Variants in WRAP73 observed in about 807,000 individuals in gnomAD.
The protein encoded by WRAP73 is WD repeat-containing protein WRAP73.
Under a neutral mutation model 59.6 loss-of-function variants are expected in WRAP73, and 55 were observed. The ratio of observed to expected loss-of-function variants is 0.92; its 90% CI spans 0.74 to 1.15. The LOEUF (loss-of-function observed/expected upper bound fraction) is 1.15. WRAP73 is among the 50% of genes most tolerant of loss of function. The probability of loss-of-function intolerance (pLI) is 0.00; values close to 1 mark genes in which losing one functional copy is unlikely to be tolerated. For synonymous variants in WRAP73, 265 were observed against 258.2 expected (o/e 1.03, Z -0.25); for missense variants, 592 against 608.1 (o/e 0.97, Z 0.28).
rs145591410 is a variant in WRAP73 at position 3,636,006 on chromosome 1, G to C, written c.541C>G (p.Leu181Val). Residue 181 changes from leucine (L) to valine (V), a missense_variant, in exon 6 of 12, where the codon CTC (leucine) becomes GTC (valine). Leu to Val is a conservative substitution (Grantham distance 32). Coordinates refer to ENST00000270708, the MANE Select transcript of WRAP73 (RefSeq NM_017818.4). ...LRHFDTDTQD[L>V]TGIEWAPNGC... ...TTTGGGGCCCACTCAATCCCTGTGAGATCCTGGGTGTCCGTATCAAAATGC... is the reference window on the plus strand; with the variant it reads ...TTTGGGGCCCACTCAATCCCTGTGACATCCTGGGTGTCCGTATCAAAATGC... The C allele has an allele frequency of 1.2e-6, 2 of 1,614,000 alleles. No homozygotes were observed. Among genetic ancestry groups the C allele is most frequent in the East Asian group, 4.5e-5 (2 of 44,884 alleles).
chr1:3,637,346 G>A (rs968609177), intron 4 of WRAP73, among the ~76,000 whole-genome samples: 11 of 152,250 alleles, frequency 7.2e-5, no homozygotes, highest in Non-Finnish European at 1.5e-4. Flanking sequence ...CACAGGAGCC[G>A]GTTTGCAAGG....
At position 3,633,206 on chromosome 1, in the gene WRAP73, C is replaced by T. The variant is rs1318523446; in HGVS notation, c.922+192G>A. 6 of 603,716 alleles carry T rather than the reference C, an allele frequency of 9.9e-6. No homozygotes were observed. In the East Asian group the frequency reaches 1.2e-4, roughly 12 times the overall value. The allele number at this position is 603,716 out of a possible 1,614,324, so 37.4% of individuals were successfully genotyped here. ...CTCATATTCAGTAACAGAAGCCGCA[C>T]CTTCACGGCCCACTGCGCAATTCAG... On this transcript the variant is annotated intron_variant, in intron 9 of 11. Transcript: ENST00000270708.
intron 1 of WRAP73, among the ~76,000 whole-genome samples, chr1:3,648,113 G>A (rs758373707): frequency 6.6e-6 from 1 of 152,176 alleles, no homozygotes; most frequent in African/African-American, 2.4e-5. Context: ...AAGATGCTTC[G>A]CAAATGCTCA....
At chr1:3,642,886 C>T (rs1274418184) in intron 3 of WRAP73, among the ~76,000 whole-genome samples, 1 of 152,144 alleles carries the variant, frequency 6.6e-6, no homozygotes, top group Non-Finnish European at 1.5e-5. Context: ...CACTCAACCT[C>T]ACCGAGAATT....
intron 9 of WRAP73, chr1:3,632,877 G>T (rs192626853): frequency 4.9e-6 from 1 of 206,060 alleles, no homozygotes; most frequent in Non-Finnish European, 9.9e-6. Context: ...GGGTGGGCCC[G>T]TCGGCACTTG....
At position 3,634,872 on chromosome 1, in the gene WRAP73, A is replaced by C. The variant is rs1394597957; in HGVS notation, c.816+125T>G. 4.4e-6 allele frequency: 5 copies of C among 1,146,118 alleles called. No individual in the cohort carries two copies. The African/African-American group carries it at 7.6e-5, about 17-fold the overall frequency. The allele number at this position is 1,146,118 out of a possible 1,614,324, so 71.0% of individuals were successfully genotyped here. A position where few individuals can be genotyped will look rare whatever the true frequency, so the allele number is the denominator to read the frequency against. On this transcript the variant is annotated intron_variant, in intron 8 of 11. Coordinates refer to ENST00000270708, the MANE Select transcript of WRAP73 (RefSeq NM_017818.4). ...AGACGCGTGAAATGTCACAGTAGCA[A>C]GTTTACGGTGATGGAAGTGCCCGGT...
Position 3,643,640 on chromosome 1 carries a change from C to A in WRAP73, c.339+3026G>T, listed in dbSNP as rs1412431699. 1.2e-4 allele frequency among the ~76,000 whole-genome samples: 15 copies of A among 123,270 alleles called. 2 individuals carry two copies. Among genetic ancestry groups the A allele is most frequent in the African/African-American group, 4.2e-4 (14 of 33,124 alleles). 80.9% of individuals were successfully genotyped at this position (123,270 alleles called of 152,430 possible). A position where few individuals can be genotyped will look rare whatever the true frequency, so the allele number is the denominator to read the frequency against. ...GCTGAGCCCCGGACATGGGGTCGCG[C>A]CTTCGGAAGGGGACCCAGCGGCCCC... is the stretch of plus-strand genomic sequence containing the variant. On this transcript the variant is annotated intron_variant, in intron 3 of 11. Transcript: ENST00000270708.
rs1365595268 is a variant in WRAP73 at position 3,647,495 on chromosome 1, G to A, written c.135C>T (p.Tyr45=). The A allele has an allele frequency of 1.2e-6, 2 of 1,613,984 alleles. No homozygotes were observed. Among genetic ancestry groups the A allele is most frequent in the South Asian group, 2.2e-5 (2 of 91,082 alleles). ...TGTGCTGGATCTGGTCTAGGCACGT[G>A]TACAGCTGAAGGATCTGAAGGGTGT... ...DVNTLQILQL[Y]TCLDQIQHIE... is the part of the protein sequence containing the mutation. The change falls in exon 2 of 12, where the codon TAC becomes TAT. Residue 45 remains tyrosine (Y), a synonymous_variant. Transcript: ENST00000270708.
chr1:3,639,112 A>G lies in WRAP73; in HGVS notation c.340-290T>C, dbSNP rs1644614772. ...TCATTAGCTTTTTCAAAGTGACCAT[A>G]GGTTGCATGTTATAATAACCCTGAG... is the stretch of plus-strand genomic sequence containing the variant. On this transcript the variant is annotated intron_variant, in intron 3 of 11. Transcript: ENST00000270708. The surrounding 1 kb of genome is among the most constrained non-coding windows in gnomAD (Gnocchi z 4.3). 5.0e-6 allele frequency: 2 copies of G among 396,502 alleles called. No homozygotes were observed. The highest frequency in any genetic ancestry group is 9.1e-6 in the Non-Finnish European group (2 of 219,272). The allele number at this position is 396,502 out of a possible 1,614,324, so 24.6% of individuals were successfully genotyped here. A position where few individuals can be genotyped will look rare whatever the true frequency, so the allele number is the denominator to read the frequency against.
chr1:3,635,288 T>A lies in WRAP73; in HGVS notation c.610A>T (p.Ile204Phe), dbSNP rs1210756162. 3.1e-6 allele frequency: 5 copies of A among 1,613,808 alleles called. No individual in the cohort carries two copies. The highest frequency in any genetic ancestry group is 4.2e-6 in the Non-Finnish European group (5 of 1,180,018). ...AVWDTCLEYK[I>F]LLYSLDGRLL... ...CGGCCATCCAATGAGTACAGCAGAA[T>A]CTTGTACTGCAGATGAGACATTTCA... Residue 204 changes from isoleucine to phenylalanine, a missense_variant, in exon 7 of 12, where the codon ATT becomes TTT. Coordinates refer to ENST00000270708, the MANE Select transcript of WRAP73 (RefSeq NM_017818.4).
At chr1:3,648,820 G>A (rs1357348284) in intron 1 of WRAP73, among the ~76,000 whole-genome samples, 1 of 152,160 alleles carries the variant, frequency 6.6e-6, no homozygotes, top group African/African-American at 2.4e-5. Flanking sequence ...TGAGGAGGGG[G>A]GCACATTGAA....
intron 1 of WRAP73, among the ~76,000 whole-genome samples, chr1:3,648,242 C>A (rs1400352773): frequency 7.2e-5 from 11 of 152,160 alleles, no homozygotes; most frequent in Non-Finnish European, 1.3e-4. Context: ...TCCAAGCAAA[C>A]AATTTCAAGT....
chr1:3,636,075 C>G, intron 5 of WRAP73, 45 bp from the exon 6 acceptor site: 4 of 1,440,984 alleles, frequency 2.8e-6, no homozygotes, highest in Non-Finnish European at 3.9e-6. Context: ...AAAATATTTT[C>G]GTAAATAAAT....
rs1205684735 is a variant in WRAP73 at position 3,646,775 on chromosome 1, G to A, written c.230C>T (p.Ser77Phe). Reference sequence around the variant, plus strand: ...GCAGTGCCATTCGGGCTGCTCTAAAGACCAGACCTGGATTGAGAGAAGAAA... The same window carrying A: ...GCAGTGCCATTCGGGCTGCTCTAAAAACCAGACCTGGATTGAGAGAAGAAA... ...MYKRGLVQVW[S>F]LEQPEWHCKI... The change falls in exon 3 of 12, where the codon TCT (serine) becomes TTT (phenylalanine). Residue 77 changes from serine (S) to phenylalanine (F), a missense_variant. By Grantham distance (155) the Ser-to-Phe change is radical. Transcript: ENST00000270708. This position sits in a 1 kb window ranked among gnomAD's most constrained non-coding sequence, Gnocchi z 5.1. 2 of 1,611,762 alleles carry A rather than the reference G, an allele frequency of 1.2e-6. No individual in the cohort carries two copies. Among genetic ancestry groups the A allele is most frequent in the Non-Finnish European group, 1.7e-6 (2 of 1,179,152 alleles).
chr1:3,650,040 C>A lies in WRAP73; in HGVS notation c.-41G>T. On this transcript the variant is annotated 5_prime_UTR_variant, in exon 1 of 12. Transcript: ENST00000270708. The stretch of plus-strand genomic sequence containing the variant: ...CGGGCGCCACCCTGCGCCCGAAAAC[C>A]CGCGGGACCCCTGGGCGCGCAGCAG... The A allele has an allele frequency of 6.5e-7, 1 of 1,547,600 alleles. No individual in the cohort carries two copies. The highest frequency in any genetic ancestry group is 1.2e-5 in the South Asian group (1 of 84,082).
intron 11 of WRAP73, 153 bp downstream of exon 11, chr1:3,631,313 G>C (rs904650595): frequency 8.5e-6 from 11 of 1,297,482 alleles, no homozygotes; most frequent in Non-Finnish European, 1.2e-5. Context: ...CGGGTCCCCT[G>C]TGTGTCCGTC....
Position 3,640,623 on chromosome 1 carries a change from G to C in WRAP73, c.340-1801C>G, listed in dbSNP as rs74474802. On this transcript the variant is annotated intron_variant, in intron 3 of 11. Transcript: ENST00000270708. ...CCCAGGCTCTGAGCGTCAGCAGGGC[G>C]GGGTGGAGCGCCCGAGGCTCTGAGC... Among the ~76,000 whole-genome samples, 56 of 133,322 alleles carry C rather than the reference G, an allele frequency of 4.2e-4. 1 individual carries two copies. The highest frequency in any genetic ancestry group is 3.9e-3 in the Admixed American group (54 of 13,690). 87.5% of individuals were successfully genotyped at this position (133,322 alleles called of 152,430 possible).
In WRAP73 at chr1:3,631,102, A is replaced by G. The variant is rs146924148; in HGVS notation, c.1256T>C (p.Leu419Pro). The G allele has an allele frequency of 2.9e-5, 46 of 1,613,308 alleles. No homozygotes were observed. Among genetic ancestry groups the G allele is most frequent in the Non-Finnish European group, 3.7e-5 (44 of 1,180,012 alleles). Residue 419 changes from leucine (L) to proline (P), a missense_variant, in exon 12 of 12, where the codon CTC becomes CCC. Coordinates refer to ENST00000270708, the MANE Select transcript of WRAP73 (RefSeq NM_017818.4). ...TCCGCTTAAATGCCAGCACAGAGAGAGCACTGCAAAGTCGCCTAGAGAGAG... is the reference window on the plus strand; with the variant it reads ...TCCGCTTAAATGCCAGCACAGAGAGGGCACTGCAAAGTCGCCTAGAGAGAG... ...QVPGEGDFAVLSLCWHLSGDS... is the reference protein window; with the variant it reads ...QVPGEGDFAVPSLCWHLSGDS...
At chr1:3,640,531 TCTGAGCATCAGCAGGGCGGGGTG>T in intron 3 of WRAP73, among the ~76,000 whole-genome samples, 2 of 121,658 alleles carry the variant, frequency 1.6e-5, no homozygotes, top group Non-Finnish European at 3.3e-5. Flanking sequence ...CGCCCGAGGC[TCTGAGCATCAGCAGGGCGGGGTG>T]CAGCGCCCGA....
Sources: allele counts gnomAD v4.1 joint callset (sites outside exome capture counted in the v4.1 genomes callset), GRCh38; gene constraint gnomAD v4.1.1; non-coding constraint Gnocchi (gnomAD v3.1); transcripts MANE v1.5; gene names NCBI Gene and HGNC (gene_info 2026-07-23, HGNC 2026-07-21).